Variants in STS observed in about 807,000 individuals in gnomAD.
The protein encoded by STS is steroid sulfatase, also known as steryl-sulfatase.
STS carries 7 observed loss-of-function variants against 26.8 expected under a neutral mutation model. The ratio of observed to expected loss-of-function variants is 0.26; its 90% confidence interval spans 0.15 to 0.49. The LOEUF is 0.49. Among genes scored for constraint, STS ranks in the 20% least tolerant of loss-of-function variants. The pLI, the probability that STS is intolerant of heterozygous loss-of-function variation, is 0.98. For missense variants in STS, 434 were observed against 465.6 expected (o/e 0.93, Z 0.63); for synonymous variants, 199 against 189.4 (o/e 1.05, Z -0.42).
intron 9 of STS, among the ~76,000 whole-genome samples, chrX:7,328,661 G>A (rs1349431108): frequency 9.3e-6 from 1 of 107,072 alleles, no homozygotes; most frequent in African/African-American, 3.4e-5. Context: ...CCAGGCTCAA[G>A]CGATTCTCCT....
intron 2 of STS, among the ~76,000 whole-genome samples, chrX:7,224,643 A>G (rs1470719508): frequency 9.0e-6 from 1 of 111,650 alleles, no homozygotes; most frequent in Admixed American, 9.5e-5. Flanking sequence ...AATCTGCAAT[A>G]CCTTAGTCTT....
At chrX:7,186,598 C>T (rs1933777104) in intron 1 of STS, among the ~76,000 whole-genome samples, 1 of 111,525 alleles carries the variant, frequency 9.0e-6, no homozygotes, top group Non-Finnish European at 1.9e-5. Flanking sequence ...ACATCTGGTC[C>T]TATTGGGAAG....
rs540835360 is a variant in STS, at chrX:7,207,076, A to G, written c.-5+16068A>G. Among the ~76,000 whole-genome samples, 85 of 111,085 alleles carry G rather than the reference A, an allele frequency of 7.7e-4. No homozygotes were observed. The South Asian group carries it at 0.011, about 14-fold the overall frequency. On this transcript the variant is annotated intron_variant, in intron 2 of 10. Transcript: ENST00000674429. ...AATAAAAAAGTCACTTGTCATCTCA[A>G]TTACTCAGGAGGCTGAGGTGGGAGG...
At chrX:7,184,504 G>C (rs1354841645) in intron 1 of STS, among the ~76,000 whole-genome samples, 1 of 112,187 alleles carries the variant, frequency 8.9e-6, no homozygotes, top group Admixed American at 9.5e-5. Flanking sequence ...GATTTGGTCT[G>C]ATAATTCCAG....
chrX:7,323,169 T>C (rs1927132230), intron 8 of STS, among the ~76,000 whole-genome samples: 1 of 111,616 alleles, frequency 9.0e-6, no homozygotes, highest in African/African-American at 3.3e-5. Flanking sequence ...CTGGTGTATC[T>C]GTTTCCTATG....
intron 2 of STS, among the ~76,000 whole-genome samples, chrX:7,192,226 G>C (rs1933887122): frequency 8.9e-6 from 1 of 111,860 alleles, no homozygotes; most frequent in Non-Finnish European, 1.9e-5. Context: ...GTTCCCAGGA[G>C]AACGTTTCAC....
intron 1 of STS, among the ~76,000 whole-genome samples, chrX:7,181,651 G>A (rs755784044): frequency 9.8e-5 from 11 of 112,290 alleles, no homozygotes; most frequent in Non-Finnish European, 1.5e-4. Context: ...GAGGCAGTGG[G>A]TTTCTGGTTG....
In STS at chrX:7,304,850, A is replaced by G. The variant is rs767108640; in HGVS notation, c.944-196A>G. On this transcript the variant is annotated intron_variant, in intron 7 of 10. Transcript: ENST00000674429. ...GTGCTTCTAAATGGCACTCAAGTCA[A>G]TGAATCTTGGTGTCTATTCTAAGAA... Among the ~76,000 whole-genome samples the G allele has an allele frequency of 4.6e-4, 51 of 111,806 alleles. 1 individual carries two copies. Among genetic ancestry groups the G allele is most frequent in the African/African-American group, 1.7e-3 (51 of 30,786 alleles).
chrX:7,261,990 A>G (rs1325888954), intron 6 of STS, among the ~76,000 whole-genome samples: 2 of 112,338 alleles, frequency 1.8e-5, no homozygotes, highest in Non-Finnish European at 3.8e-5. Context: ...TGAAATATAT[A>G]AACTGGTCAT....
At chrX:7,305,837 A>G (rs956129131) in intron 8 of STS, among the ~76,000 whole-genome samples, 2 of 111,724 alleles carry the variant, frequency 1.8e-5, no homozygotes, top group South Asian at 3.8e-4. Context: ...CGTTCGGCCC[A>G]CTTGGATAAT....
At chrX:7,317,454 GGTTTGTTTGTTT>G (rs113419040) in intron 8 of STS, among the ~76,000 whole-genome samples, 3 of 109,797 alleles carry the variant, frequency 2.7e-5, no homozygotes, top group Non-Finnish European at 3.8e-5. Flanking sequence ...CATATCTTTT[GGTTTGTTTGTTT>G]GTTTGTTTGT....
intron 2 of STS, among the ~76,000 whole-genome samples, chrX:7,210,605 AT>A: frequency 9.3e-6 from 1 of 107,369 alleles, no homozygotes; most frequent in Non-Finnish European, 1.9e-5. Flanking sequence ...ATGAATAAAT[AT>A]TTTTATATTA....
chrX:7,163,195 C>T (rs1341957467), intron 1 of STS, among the ~76,000 whole-genome samples: 2 of 111,844 alleles, frequency 1.8e-5, no homozygotes, highest in East Asian at 5.6e-4. Context: ...TGAGCATTAT[C>T]CCTGGGCTCC....
intron 6 of STS, among the ~76,000 whole-genome samples, chrX:7,271,138 T>A (rs1184225129): frequency 9.0e-6 from 1 of 110,698 alleles, no homozygotes. Flanking sequence ...GTCACTCACA[T>A]CCTGTATGAC....
chrX:7,160,331 G>A (rs923224098), intron 1 of STS, among the ~76,000 whole-genome samples: 1 of 112,263 alleles, frequency 8.9e-6, no homozygotes, highest in Non-Finnish European at 1.9e-5. Context: ...TTTTTTATCT[G>A]TAGTGTTACA....
chrX:7,284,542 C>A (rs187588146), intron 7 of STS, among the ~76,000 whole-genome samples: 1 of 112,592 alleles, frequency 8.9e-6, no homozygotes, highest in East Asian at 2.8e-4. Flanking sequence ...GCAAATGTAT[C>A]CCCTAGTCTC....
At chrX:7,179,537 T>C (rs956855301) in intron 1 of STS, among the ~76,000 whole-genome samples, 3 of 112,589 alleles carry the variant, frequency 2.7e-5, no homozygotes, top group Non-Finnish European at 5.6e-5. Flanking sequence ...ATCTCCTGCA[T>C]GGTACATGTA....
At position 7,353,934 on chromosome X, in the gene STS, C is replaced by G. The variant is rs1928903197; in HGVS notation, c.*3673C>G. ...AACCTCTTAAATCATAGCTGTCTGA[C>G]CTCTACGGACCTCACATCCATCTGA... is the stretch of plus-strand genomic sequence containing the variant. On this transcript the variant is annotated 3_prime_UTR_variant, in exon 11 of 11. Coordinates refer to ENST00000674429, the MANE Select transcript of STS (RefSeq NM_001320752.2). 2 of 111,810 alleles carry G rather than the reference C, an allele frequency of 1.8e-5. No homozygotes were observed. Among genetic ancestry groups the G allele is most frequent in the South Asian group, 7.5e-4 (2 of 2,664 alleles). 9.2% of individuals were successfully genotyped at this position (111,810 alleles called of 1,213,427 possible).
chrX:7,324,255 TGCAG>T (rs1927249739), intron 8 of STS, among the ~76,000 whole-genome samples: 1 of 110,832 alleles, frequency 9.0e-6, no homozygotes, highest in Non-Finnish European at 1.9e-5. Flanking sequence ...TTTAAAGACC[TGCAG>T]TCAATAGAAG....
Sources: gnomAD v4.1 joint callset for allele counts (sites outside exome capture counted in the v4.1 genomes callset) on GRCh38, gnomAD v4.1.1 for gene constraint, MANE v1.5 for transcripts, NCBI Gene and HGNC (gene_info 2026-07-23, HGNC 2026-07-21) for gene names.